The following LRRIQ3 variants were observed in gnomAD, a reference collection of about 807,000 sequenced individuals.
The protein encoded by LRRIQ3 is leucine-rich repeat and IQ domain-containing protein 3.
Under a neutral mutation model 59.3 loss-of-function variants are expected in LRRIQ3, and 75 were observed. The observed-to-expected ratio is 1.26, with a 90% CI of 1.05 to 1.53. LRRIQ3 has a LOEUF of 1.53. Among genes scored for constraint, LRRIQ3 ranks in the 40% most tolerant of loss-of-function variants. The pLI is 0.00. For synonymous variants in LRRIQ3, 250 were observed against 231.3 expected, an observed-to-expected ratio of 1.08 and a Z score of -0.73; for missense variants, 831 against 710.0, an observed-to-expected ratio of 1.17 and a Z score of -1.94.
chr1:74,086,669 T>C (rs1360466802), intron 5 of LRRIQ3, among the ~76,000 whole-genome samples: 1 of 152,092 alleles, frequency 6.6e-6, no homozygotes, highest in East Asian at 1.9e-4. Context: ...ATCAAAAGAT[T>C]GAGCTCATTG....
intron 3 of LRRIQ3, among the ~76,000 whole-genome samples, chr1:74,179,156 T>C (rs2100716943): frequency 6.6e-6 from 1 of 152,188 alleles, no homozygotes; most frequent in Non-Finnish European, 1.5e-5. Flanking sequence ...AAGTTACATA[T>C]ATACAACAAT....
At chr1:74,089,090 CA>C (rs1430892312) in intron 5 of LRRIQ3, among the ~76,000 whole-genome samples, 7 of 151,942 alleles carry the variant, frequency 4.6e-5, no homozygotes, top group African/African-American at 1.4e-4. Flanking sequence ...TAGGGGAATG[CA>C]AATTAAAACC....
At position 74,026,592 on chromosome 1, in the gene LRRIQ3, T is replaced by A; in HGVS notation, c.*221A>T. ...AATCAGTTTAATTGTTCCTTAGGCA[T>A]CTGATCTAAGAAATTTTTCAGAGGT... is the stretch of plus-strand genomic sequence containing the variant. On this transcript the variant is annotated 3_prime_UTR_variant, in exon 8 of 8. Transcript: ENST00000354431. 2.5e-6 allele frequency: 1 copy of A among 398,918 alleles called. No homozygotes were observed. Among genetic ancestry groups the A allele is most frequent in the Non-Finnish European group, 4.4e-6 (1 of 225,620 alleles). The allele number at this position is 398,918 out of a possible 1,614,324, so 24.7% of individuals were successfully genotyped here. A position where few individuals can be genotyped will look rare whatever the true frequency, so the allele number is the denominator to read the frequency against.
At chr1:74,191,088 T>A (rs906453807) in intron 1 of LRRIQ3, among the ~76,000 whole-genome samples, 2 of 152,118 alleles carry the variant, frequency 1.3e-5, no homozygotes, top group African/African-American at 2.4e-5. Context: ...ATCAGCAGCA[T>A]GAAAACAGAC....
At chr1:74,133,170 T>G (rs1394822669) in intron 4 of LRRIQ3, among the ~76,000 whole-genome samples, 1 of 152,038 alleles carries the variant, frequency 6.6e-6, no homozygotes, top group African/African-American at 2.4e-5. Flanking sequence ...AGATACCACC[T>G]CACACCAGTT....
intron 4 of LRRIQ3, 126 bp downstream of exon 4, chr1:74,155,607 A>T: frequency 1.4e-6 from 1 of 737,998 alleles, no homozygotes; most frequent in Non-Finnish European, 2.1e-6. Flanking sequence ...AAGTTAGGTT[A>T]AACAGACTAT....
intron 5 of LRRIQ3, among the ~76,000 whole-genome samples, chr1:74,081,431 C>G (rs1646272282): frequency 6.6e-6 from 1 of 151,580 alleles, no homozygotes; most frequent in African/African-American, 2.4e-5. Context: ...ATTAATGATG[C>G]CTACTCTTAG....
Position 74,111,029 on chromosome 1 carries a change from C to A in LRRIQ3, c.708-1476G>T, listed in dbSNP as rs532291508. On this transcript the variant is annotated intron_variant, in intron 4 of 7. Coordinates refer to ENST00000354431, the MANE Select transcript of LRRIQ3 (RefSeq NM_001105659.2). ...AAAATCGAAGTTGTACTCATTACTT[C>A]TGCTCACTTTCCAATATAACAACAA... Among the ~76,000 whole-genome samples the A allele has an allele frequency of 1.2e-4, 18 of 152,156 alleles. No homozygotes were observed. In the East Asian group the frequency reaches 3.5e-3, roughly 29 times the overall value.
chr1:74,098,442 C>T (rs994181814), intron 5 of LRRIQ3, among the ~76,000 whole-genome samples: 1 of 152,054 alleles, frequency 6.6e-6, no homozygotes, highest in Non-Finnish European at 1.5e-5. Context: ...TAGACTCCGA[C>T]ACAAAAATAA....
rs555998089 is a variant in LRRIQ3 at position 74,133,592 on chromosome 1, C to T, written c.707+22141G>A. On this transcript the variant is annotated intron_variant, in intron 4 of 7. Transcript: ENST00000354431. ...CTGGATGAAGCTGGAAACCATCATTCTCAGCAAACTATTGCAAGGACGAAA... is the reference window on the plus strand; with the variant it reads ...CTGGATGAAGCTGGAAACCATCATTTTCAGCAAACTATTGCAAGGACGAAA... 5.3e-5 allele frequency among the ~76,000 whole-genome samples: 8 copies of T among 152,080 alleles called. No homozygotes were observed. In the South Asian group the frequency reaches 1.7e-3, roughly 32 times the overall value.
intron 4 of LRRIQ3, among the ~76,000 whole-genome samples, chr1:74,128,964 A>C (rs1402089945): frequency 6.6e-6 from 1 of 152,054 alleles, no homozygotes. Flanking sequence ...CTGGATAAAC[A>C]GTCTCTCTCT....
At chr1:74,055,961 G>A (rs956022020) in intron 6 of LRRIQ3, among the ~76,000 whole-genome samples, 2 of 151,890 alleles carry the variant, frequency 1.3e-5, no homozygotes, top group African/African-American at 2.4e-5. Flanking sequence ...TGGCTAACAC[G>A]GAGAAAGCCC....
chr1:74,054,771 T>C (rs1570037435), intron 6 of LRRIQ3, among the ~76,000 whole-genome samples: 1 of 147,498 alleles, frequency 6.8e-6, no homozygotes, highest in Non-Finnish European at 1.5e-5. Context: ...TATATCTACA[T>C]ACACATACAT....
chr1:74,094,597 A>T (rs1314335329), intron 5 of LRRIQ3, among the ~76,000 whole-genome samples: 1 of 152,140 alleles, frequency 6.6e-6, no homozygotes, highest in African/African-American at 2.4e-5. Context: ...CTATAAAGGA[A>T]TGAATTTATC....
In LRRIQ3 at chr1:74,083,320, GTTAA is replaced by G. The variant is rs1192721833; in HGVS notation, c.868-8534_868-8531del. 5 of 151,802 alleles carry G rather than the reference GTTAA, an allele frequency of 3.3e-5. No individual in the cohort carries two copies. In the East Asian group the frequency reaches 9.7e-4, roughly 29 times the overall value. 9.4% of individuals were successfully genotyped at this position (151,802 alleles called of 1,614,324 possible). On this transcript the variant is annotated intron_variant, in intron 5 of 7. Transcript: ENST00000354431. ...GAAATATTTCAGCCACTGCCCAAAT[GTTAA>G]TTATTTACAAGACTCCAATATTCCG...
intron 5 of LRRIQ3, among the ~76,000 whole-genome samples, chr1:74,105,059 AAAGT>A (rs907633253): frequency 1.1e-4 from 17 of 152,056 alleles, no homozygotes; most frequent in Non-Finnish European, 8.8e-5. Context: ...TGTTATCAAA[AAAGT>A]AAGTAAATTT....
chr1:74,028,544 A>G (rs1653590441), intron 7 of LRRIQ3, among the ~76,000 whole-genome samples: 1 of 152,054 alleles, frequency 6.6e-6, no homozygotes, highest in African/African-American at 2.4e-5. Context: ...CTGACTGGAA[A>G]TGGTTAGTGT....
chr1:74,126,813 G>A (rs1646942135), intron 4 of LRRIQ3, among the ~76,000 whole-genome samples: 1 of 151,948 alleles, frequency 6.6e-6, no homozygotes, highest in Non-Finnish European at 1.5e-5. Flanking sequence ...GAAGAAGCAT[G>A]TGTATTCAGC....
At chr1:74,169,700 C>T (rs115053636) in intron 3 of LRRIQ3, among the ~76,000 whole-genome samples, 290 of 152,072 alleles carry the variant, frequency 1.9e-3, no homozygotes, top group African/African-American at 6.8e-3. Flanking sequence ...TACAAGTGCA[C>T]GCCACACCTG....
Sources: gnomAD v4.1 joint callset for allele counts (sites outside exome capture counted in the v4.1 genomes callset) on GRCh38, gnomAD v4.1.1 for gene constraint, MANE v1.5 for transcripts, NCBI Gene and HGNC (gene_info 2026-07-23, HGNC 2026-07-21) for gene names.